ZYG11B: variants seen among roughly 807,000 people sequenced by gnomAD.
ZYG11B encodes the protein protein zyg-11 homolog B.
A neutral mutation model predicts 82.4 loss-of-function variants in ZYG11B; 36 were observed. That is an observed-to-expected ratio of 0.44 (90% CI 0.33 to 0.58). The LOEUF (loss-of-function observed/expected upper bound fraction) is 0.58, where lower values mean the gene tolerates loss of function less well. Among genes scored for constraint, ZYG11B ranks in the 20% least tolerant of loss-of-function variants. ZYG11B has a pLI of 0.02. For missense variants in ZYG11B, 552 were observed against 895.6 expected (o/e 0.62, Z 4.90); for synonymous variants, 303 against 312.8 (o/e 0.97, Z 0.33).
At chr1:52,819,804 T>A (rs1328219581) in intron 13 of ZYG11B, among the ~76,000 whole-genome samples, 122 of 149,508 alleles carry the variant, frequency 8.2e-4, no homozygotes, top group East Asian at 3.9e-3. Flanking sequence ...ATAATAATAA[T>A]AATAATAATA....
intron 6 of ZYG11B, 74 bp downstream of exon 6, chr1:52,790,141 AT>A: frequency 1.0e-6 from 1 of 999,042 alleles, no homozygotes; most frequent in Non-Finnish European, 1.5e-6. Context: ...ATTTCTTACC[AT>A]TTAGGATATC....
chr1:52,776,785 G>T (rs897946060), intron 3 of ZYG11B, among the ~76,000 whole-genome samples: 1 of 151,526 alleles, frequency 6.6e-6, no homozygotes, highest in African/African-American at 2.4e-5. Context: ...AAAAGTTCTG[G>T]GTGATTCAAT....
intron 5 of ZYG11B, among the ~76,000 whole-genome samples, chr1:52,786,546 C>G (rs528688672): frequency 6.6e-6 from 1 of 151,314 alleles, no homozygotes; most frequent in Admixed American, 6.6e-5. Flanking sequence ...CCCAGGAGTT[C>G]AAGACCAACT....
intron 1 of ZYG11B, among the ~76,000 whole-genome samples, chr1:52,749,126 C>A (rs1430759701): frequency 6.6e-6 from 1 of 151,210 alleles, no homozygotes; most frequent in Admixed American, 6.6e-5. Flanking sequence ...TCGCTTGAAC[C>A]CGGGAGGTGG....
At chr1:52,798,089 C>T (rs1173875572) in intron 8 of ZYG11B, among the ~76,000 whole-genome samples, 1 of 151,710 alleles carries the variant, frequency 6.6e-6, no homozygotes, top group Non-Finnish European at 1.5e-5. Flanking sequence ...TGTCACTGCA[C>T]TCCAGCCTGG....
At chr1:52,785,694 A>G (rs1558133357) in intron 5 of ZYG11B, among the ~76,000 whole-genome samples, 1 of 152,096 alleles carries the variant, frequency 6.6e-6, no homozygotes, top group Non-Finnish European at 1.5e-5. Context: ...TGTCTTTGTG[A>G]TCCGCCCACC....
intron 3 of ZYG11B, among the ~76,000 whole-genome samples, chr1:52,776,227 A>ATATATATATATATATATATATATAT (rs1553260249): frequency 6.8e-4 from 2 of 2,920 alleles, no homozygotes; most frequent in Non-Finnish European, 6.0e-3. Flanking sequence ...CTTAAAAAAA[A>ATATATATATATATATATATATATAT]AAATATATAT....
chr1:52,753,695 C>CCT (rs1644545953), intron 1 of ZYG11B, among the ~76,000 whole-genome samples: 1 of 152,102 alleles, frequency 6.6e-6, no homozygotes, highest in Admixed American at 6.6e-5. Context: ...CTCCCGGGTG[C>CCT]AAGCGATTCT....
chr1:52,785,113 C>A, intron 5 of ZYG11B, 60 bp downstream of exon 5: 1 of 1,542,254 alleles, frequency 6.5e-7, no homozygotes, highest in Non-Finnish European at 8.8e-7. Context: ...TCATCTCCTA[C>A]AGTTCAGTTT....
chr1:52,806,091 A>G (rs1450722560), intron 10 of ZYG11B, among the ~76,000 whole-genome samples: 2 of 151,834 alleles, frequency 1.3e-5, no homozygotes, highest in Admixed American at 6.6e-5. Context: ...TTAATTTGAG[A>G]TATTTATTCT....
chr1:52,776,786 G>C (rs1447968013), intron 3 of ZYG11B, among the ~76,000 whole-genome samples: 1 of 151,888 alleles, frequency 6.6e-6, no homozygotes, highest in Non-Finnish European at 1.5e-5. Context: ...AAAGTTCTGG[G>C]TGATTCAATG....
intron 6 of ZYG11B, among the ~76,000 whole-genome samples, chr1:52,792,230 A>G (rs1264917452): frequency 6.6e-6 from 1 of 152,012 alleles, no homozygotes; most frequent in East Asian, 1.9e-4. Flanking sequence ...TTGATGGATG[A>G]ATGAATGAAT....
intron 1 of ZYG11B, among the ~76,000 whole-genome samples, chr1:52,753,931 A>G (rs773145585): frequency 3.8e-4 from 57 of 151,798 alleles, no homozygotes; most frequent in African/African-American, 1.4e-3. Flanking sequence ...GGGTTTTACC[A>G]TGTTGGCCAG....
rs116459151 is a variant in ZYG11B at position 52,737,795 on chromosome 1, G to A, written c.30+11112G>A. 6.5e-3 allele frequency among the ~76,000 whole-genome samples: 997 copies of A among 152,316 alleles called. 2 individuals are homozygous for A. Among genetic ancestry groups the A allele is most frequent in the Non-Finnish European group, 0.01 (705 of 68,024 alleles). Reference sequence around the variant, plus strand: ...ACACAACAATACTGAGCAGTATGATGTTTCATCAGTGTGTGTTTGATAGAG... The same window carrying A: ...ACACAACAATACTGAGCAGTATGATATTTCATCAGTGTGTGTTTGATAGAG... On this transcript the variant is annotated intron_variant, in intron 1 of 13. Coordinates refer to ENST00000294353, the MANE Select transcript of ZYG11B (RefSeq NM_024646.3).
At chr1:52,766,452 A>C (rs1644690710) in intron 2 of ZYG11B, among the ~76,000 whole-genome samples, 1 of 151,438 alleles carries the variant, frequency 6.6e-6, no homozygotes. Context: ...ATTTAATTGC[A>C]TTTTTTTATG....
At chr1:52,773,916 T>TACAGGAGTGAGCCACCACCCTCGGCCTG (rs1215480264) in intron 3 of ZYG11B, among the ~76,000 whole-genome samples, 86 of 151,810 alleles carry the variant, frequency 5.7e-4, no homozygotes, top group African/African-American at 2.0e-3. Flanking sequence ...GTGCTAGGAT[T>TACAGGAGTGAGCCACCACCCTCGGCCTG]ACAGGAGTGA....
At chr1:52,816,780 C>CTTTTTTTTTTTTT (rs71044423) in intron 13 of ZYG11B, 151 bp downstream of exon 13, 3 of 229,282 alleles carry the variant, frequency 1.3e-5, no homozygotes, top group Non-Finnish European at 2.2e-5. Context: ...TTAAGGTATT[C>CTTTTTTTTTTTTT]TTTTTTTTTT....
At chr1:52,754,370 T>C (rs991114040) in intron 1 of ZYG11B, 1 of 152,154 alleles carries the variant, frequency 6.6e-6, no homozygotes, top group South Asian at 2.1e-4. Flanking sequence ...TCTGTTCTTA[T>C]CAGTTTATTT....
At chr1:52,735,070 G>T (rs1268368661) in intron 1 of ZYG11B, among the ~76,000 whole-genome samples, 1 of 146,862 alleles carries the variant, frequency 6.8e-6, no homozygotes, top group Non-Finnish European at 1.5e-5. Context: ...TTCTCTCGTT[G>T]CCCAGGCTGG....
Sources: gnomAD v4.1 joint callset for allele counts (sites outside exome capture counted in the v4.1 genomes callset) on GRCh38, gnomAD v4.1.1 for gene constraint, MANE v1.5 for transcripts, NCBI Gene and HGNC (gene_info 2026-07-23, HGNC 2026-07-21) for gene names.